ROBO2: variants seen among roughly 807,000 people sequenced by gnomAD.
ROBO2 encodes the protein roundabout guidance receptor 2.
Under a neutral mutation model 160.8 loss-of-function variants are expected in ROBO2, and 53 were observed. That is an observed-to-expected ratio of 0.33 (90% CI 0.26 to 0.41). The LOEUF (loss-of-function observed/expected upper bound fraction) is 0.41. Among genes scored for constraint, ROBO2 ranks in the 10% least tolerant of loss-of-function variants. The probability of loss-of-function intolerance (pLI) is 1.00; values close to 1 mark genes in which losing one functional copy is unlikely to be tolerated. For missense variants in ROBO2, 1,577 were observed against 1,722.4 expected, an observed-to-expected ratio of 0.92 and a Z score of 1.49; for synonymous variants, 664 against 611.7, an observed-to-expected ratio of 1.09 and a Z score of -1.26.
At chr3:77,416,489 C>T (rs1003039474) in intron 2 of ROBO2, among the ~76,000 whole-genome samples, 5 of 151,900 alleles carry the variant, frequency 3.3e-5, no homozygotes, top group East Asian at 1.9e-4. Flanking sequence ...GAGACTGAAG[C>T]GGGTGGATCA....
At position 77,112,634 on chromosome 3, in the gene ROBO2, G is replaced by T. The variant is rs2073776283; in HGVS notation, c.388+14294G>T. Among the ~76,000 whole-genome samples, 4 of 152,130 alleles carry T rather than the reference G, an allele frequency of 2.6e-5. No individual in the cohort carries two copies. The South Asian group carries it at 8.3e-4, about 31-fold the overall frequency. On this transcript the variant is annotated intron_variant, in intron 2 of 25. Coordinates refer to ENST00000461745, the Ensembl canonical transcript of ROBO2. ...TCCAGGAGCATTAAAGACATCAGTA[G>T]ATCCTATCGTTCCTACCCGGCACCT...
intron 2 of ROBO2, among the ~76,000 whole-genome samples, chr3:76,456,877 A>C (rs1377482272): frequency 1.3e-5 from 2 of 152,214 alleles, no homozygotes; most frequent in East Asian, 1.9e-4. Context: ...AAGCAAAGGC[A>C]GAAACCCGTG....
intron 2 of ROBO2, among the ~76,000 whole-genome samples, chr3:76,292,454 G>A (rs1035108243): frequency 1.3e-5 from 2 of 152,086 alleles, no homozygotes; most frequent in Admixed American, 1.3e-4. Flanking sequence ...TGTCAAACTT[G>A]ACAACATATA....
At chr3:77,614,482 T>C (rs2094720968) in intron 21 of ROBO2, among the ~76,000 whole-genome samples, 1 of 152,186 alleles carries the variant, frequency 6.6e-6, no homozygotes. Flanking sequence ...TTGTTTATAA[T>C]GTCTAATATT....
intron 15 of ROBO2, among the ~76,000 whole-genome samples, chr3:77,578,854 A>G (rs886779142): frequency 6.6e-6 from 1 of 152,048 alleles, no homozygotes; most frequent in Non-Finnish European, 1.5e-5. Context: ...CTAAATTTCC[A>G]TGTAGTTAAA....
intron 8 of ROBO2, among the ~76,000 whole-genome samples, chr3:77,557,449 C>T (rs991368687): frequency 2.0e-5 from 3 of 151,758 alleles, no homozygotes; most frequent in African/African-American, 4.8e-5. Flanking sequence ...ATAAATACAG[C>T]ACATAACTGG....
At position 76,217,750 on chromosome 3, in the gene ROBO2, C is replaced by G. The variant is rs567799163; in HGVS notation, c.109+280148C>G. 1.2e-4 allele frequency among the ~76,000 whole-genome samples: 18 copies of G among 152,254 alleles called. No homozygotes were observed. In the East Asian group the frequency reaches 3.3e-3, roughly 28 times the overall value. ...CCAGAGGTACAAGGAGGAACTGGTA[C>G]CATTCCTTCTGAAACTATTCCAATC... On this transcript the variant is annotated intron_variant, in intron 2 of 26. Transcript: ENST00000487694.
intron 2 of ROBO2, among the ~76,000 whole-genome samples, chr3:76,849,128 G>C (rs2069073892): frequency 6.6e-6 from 1 of 152,040 alleles, no homozygotes; most frequent in South Asian, 2.1e-4. Context: ...ATTACGTTCT[G>C]GTTAGTAAAA....
At chr3:76,740,443 A>G (rs990813884) in intron 2 of ROBO2, among the ~76,000 whole-genome samples, 1 of 152,162 alleles carries the variant, frequency 6.6e-6, no homozygotes, top group Non-Finnish European at 1.5e-5. Flanking sequence ...GTCACACCCC[A>G]GAGACCTGAA....
intron 2 of ROBO2, among the ~76,000 whole-genome samples, chr3:76,703,985 T>C (rs1428541685): frequency 1.5e-5 from 2 of 132,680 alleles, no homozygotes; most frequent in African/African-American, 3.5e-5. Context: ...ATAGTACTTC[T>C]TTTTTTTTTT....
At chr3:77,466,289 T>C (rs553234223) in intron 2 of ROBO2, among the ~76,000 whole-genome samples, 71 of 152,300 alleles carry the variant, frequency 4.7e-4, no homozygotes, top group Admixed American at 9.8e-4. Flanking sequence ...TTTTGTGATG[T>C]GGACATATCA....
At chr3:76,808,907 T>C (rs1352673397) in intron 2 of ROBO2, among the ~76,000 whole-genome samples, 1 of 152,040 alleles carries the variant, frequency 6.6e-6, no homozygotes, top group Non-Finnish European at 1.5e-5. Flanking sequence ...AGGAAGGCAA[T>C]TGTGTATTGG....
intron 1 of ROBO2, among the ~76,000 whole-genome samples, chr3:77,043,326 GAC>G (rs1158066822): frequency 6.6e-6 from 1 of 152,166 alleles, no homozygotes; most frequent in African/African-American, 2.4e-5. Context: ...CCTTGTGCTA[GAC>G]ACAGATATTA....
intron 2 of ROBO2, among the ~76,000 whole-genome samples, chr3:77,127,379 T>A (rs2075437774): frequency 6.6e-6 from 1 of 152,140 alleles, no homozygotes; most frequent in Non-Finnish European, 1.5e-5. Context: ...ATACTGAACT[T>A]TTTCTTGTGC....
chr3:76,402,665 T>A (rs1282273223), intron 2 of ROBO2, among the ~76,000 whole-genome samples: 1 of 151,582 alleles, frequency 6.6e-6, no homozygotes, highest in Non-Finnish European at 1.5e-5. Context: ...GCCCACTTTC[T>A]AACTGGCTGC....
chr3:76,702,784 A>T (rs912972706), intron 2 of ROBO2, among the ~76,000 whole-genome samples: 1 of 152,102 alleles, frequency 6.6e-6, no homozygotes, highest in East Asian at 1.9e-4. Context: ...GAAGGAGATA[A>T]AACAAAAAAA....
At chr3:77,190,675 T>A (rs1034245878) in intron 2 of ROBO2, among the ~76,000 whole-genome samples, 1 of 152,016 alleles carries the variant, frequency 6.6e-6, no homozygotes, top group Non-Finnish European at 1.5e-5. Context: ...AAGCTTTTTT[T>A]AAAAGAACAT....
chr3:76,752,000 T>C (rs2060684734), intron 2 of ROBO2, among the ~76,000 whole-genome samples: 1 of 152,162 alleles, frequency 6.6e-6, no homozygotes, highest in South Asian at 2.1e-4. Flanking sequence ...CACGTATGTT[T>C]ATTGTGGCAC....
chr3:77,113,313 C>T (rs1157168647), intron 2 of ROBO2, among the ~76,000 whole-genome samples: 1 of 152,140 alleles, frequency 6.6e-6, no homozygotes, highest in Non-Finnish European at 1.5e-5. Flanking sequence ...GTTTAATATT[C>T]ATACAGGATT....
Sources: gnomAD v4.1 joint callset for allele counts (sites outside exome capture counted in the v4.1 genomes callset) on GRCh38, gnomAD v4.1.1 for gene constraint, MANE v1.5 for transcripts, NCBI Gene and HGNC (gene_info 2026-07-23, HGNC 2026-07-21) for gene names.